The following TNRC6C variants were observed in gnomAD, a reference collection of about 807,000 sequenced individuals.
The protein encoded by TNRC6C is trinucleotide repeat containing adaptor 6C.
A neutral mutation model predicts 153.7 loss-of-function variants in TNRC6C; 20 were observed. That is an observed-to-expected ratio of 0.13 (90% CI 0.09 to 0.19). The LOEUF (loss-of-function observed/expected upper bound fraction) is 0.19, where lower values mean the gene tolerates loss of function less well. Ranked by LOEUF, TNRC6C falls within the 10% of genes least tolerant of loss-of-function variation. TNRC6C has a pLI of 1.00. For synonymous variants in TNRC6C, 811 were observed against 841.4 expected, an observed-to-expected ratio of 0.96 and a Z score of 0.63; for missense variants, 1,987 against 2,172.0, an observed-to-expected ratio of 0.91 and a Z score of 1.69.
intron 1 of TNRC6C, among the ~76,000 whole-genome samples, chr17:78,018,503 T>G (rs779998276): frequency 6.6e-6 from 1 of 152,104 alleles, no homozygotes; most frequent in Non-Finnish European, 1.5e-5. Context: ...AAATATTTTC[T>G]AAATAAGGAG....
chr17:78,061,607 C>T lies in TNRC6C; in HGVS notation c.2396-3115C>T, dbSNP rs143924462. ...GGAGGATCGCTTGAATCTAGGAGTT[C>T]GAGGCTGCAGCGCACTATGATCACA... is the stretch of plus-strand genomic sequence containing the variant. On this transcript the variant is annotated intron_variant, in intron 3 of 19. Coordinates refer to ENST00000301624, the Ensembl canonical transcript of TNRC6C. Among the ~76,000 whole-genome samples the T allele has an allele frequency of 3.2e-3, 483 of 152,224 alleles. 1 individual carries two copies. Among genetic ancestry groups the T allele is most frequent in the Non-Finnish European group, 4.9e-3 (334 of 68,018 alleles).
chr17:78,100,570 A>AC (rs1052270249), intron 17 of TNRC6C, among the ~76,000 whole-genome samples: 45 of 152,236 alleles, frequency 3.0e-4, no homozygotes, highest in Non-Finnish European at 5.9e-4. Context: ...CAGCATGTGG[A>AC]CCCTGGGCCT....
chr17:78,065,244 C>T (rs545426341), intron 4 of TNRC6C, among the ~76,000 whole-genome samples: 70 of 151,760 alleles, frequency 4.6e-4, no homozygotes, highest in African/African-American at 1.6e-3. Flanking sequence ...CCCAGCTATT[C>T]GGGAGGCTAT....
At chr17:77,972,271 G>A (rs2070945706) in intron 1 of TNRC6C, among the ~76,000 whole-genome samples, 1 of 152,124 alleles carries the variant, frequency 6.6e-6, no homozygotes, top group South Asian at 2.1e-4. Flanking sequence ...CCATCACTTT[G>A]GGAGGCCGAG....
At chr17:78,094,051 C>T (rs1199255898) in intron 16 of TNRC6C, among the ~76,000 whole-genome samples, 1 of 151,176 alleles carries the variant, frequency 6.6e-6, no homozygotes, top group Non-Finnish European at 1.5e-5. Flanking sequence ...ATGATCTCAG[C>T]TCTCTGCAAT....
intron 17 of TNRC6C, 143 bp downstream of exon 20, chr17:78,098,680 C>G (rs1053771340): frequency 8.2e-6 from 7 of 855,448 alleles, no homozygotes; most frequent in Non-Finnish European, 1.2e-5. Context: ...CAGGGCCACC[C>G]TAGATGTCCA....
At chr17:78,058,383 A>G (rs1399321125) in intron 3 of TNRC6C, among the ~76,000 whole-genome samples, 1 of 152,262 alleles carries the variant, frequency 6.6e-6, no homozygotes, top group African/African-American at 2.4e-5. Flanking sequence ...ACTTGCAGAC[A>G]CACAAGAGAA....
chr17:77,970,333 CCT>C (rs2070930859), intron 1 of TNRC6C, among the ~76,000 whole-genome samples: 1 of 152,148 alleles, frequency 6.6e-6, no homozygotes, highest in Non-Finnish European at 1.5e-5. Flanking sequence ...GCAGCCTCAG[CCT>C]CTCAGGCTCA....
intron 16 of TNRC6C, among the ~76,000 whole-genome samples, chr17:78,095,153 C>T (rs1403546965): frequency 1.3e-5 from 2 of 152,210 alleles, no homozygotes; most frequent in Non-Finnish European, 2.9e-5. Flanking sequence ...GCAGAGCTTC[C>T]CGAGTGGTGC....
chr17:78,029,848 C>A (rs992233141), intron 1 of TNRC6C, among the ~76,000 whole-genome samples: 2 of 150,954 alleles, frequency 1.3e-5, no homozygotes. Context: ...TAAGCCAAGG[C>A]CTACACGAGG....
chr17:78,024,444 G>A (rs1426492712), intron 1 of TNRC6C, among the ~76,000 whole-genome samples: 1 of 151,948 alleles, frequency 6.6e-6, no homozygotes, highest in Non-Finnish European at 1.5e-5. Context: ...TTGGCTCACT[G>A]CAAGCTTCGC....
intron 1 of TNRC6C, among the ~76,000 whole-genome samples, chr17:78,024,985 G>C (rs183081585): frequency 6.6e-6 from 1 of 151,600 alleles, no homozygotes; most frequent in Non-Finnish European, 1.5e-5. Flanking sequence ...ATAGAGACGG[G>C]GTTTCACCAT....
intron 1 of TNRC6C, among the ~76,000 whole-genome samples, chr17:77,994,149 T>C (rs1230512565): frequency 6.6e-6 from 1 of 152,018 alleles, no homozygotes; most frequent in Non-Finnish European, 1.5e-5. Context: ...ACCGAGATTG[T>C]GCCATTGCAC....
At chr17:78,093,837 G>C in intron 16 of TNRC6C, 74 bp downstream of exon 18, 1 of 1,578,064 alleles carries the variant, frequency 6.3e-7, no homozygotes, top group Non-Finnish European at 8.6e-7. Flanking sequence ...GGGGTGACAG[G>C]TTGGGCTGTG....
chr17:78,042,587 A>C (rs1310562847), intron 2 of TNRC6C, among the ~76,000 whole-genome samples: 1 of 151,264 alleles, frequency 6.6e-6, no homozygotes, highest in Non-Finnish European at 1.5e-5. Flanking sequence ...TTTTTAACGA[A>C]ATTTAACCTT....
At position 77,970,814 on chromosome 17, in the gene TNRC6C, G is replaced by T. The variant is rs147686465; in HGVS notation, c.-38+11546G>T. Among the ~76,000 whole-genome samples, 19 of 152,264 alleles carry T rather than the reference G, an allele frequency of 1.2e-4. No individual in the cohort carries two copies. The East Asian group carries it at 3.7e-3, about 29-fold the overall frequency. ...TAGATAAAAGCAGGTAATTGGCCTA[G>T]CCTGGGCGACACAGCAAGACCCTTG... On this transcript the variant is annotated intron_variant, in intron 1 of 22. Transcript: ENST00000636222.
intron 4 of TNRC6C, 74 bp from the exon 7 acceptor site, chr17:78,067,683 T>G (rs570614121): frequency 1.4e-6 from 2 of 1,449,478 alleles, no homozygotes; most frequent in East Asian, 2.5e-5. Context: ...GACCCCTAAA[T>G]TATATGTTAC....
upstream of TNRC6C, among the ~76,000 whole-genome samples, chr17:77,958,975 C>A (rs1259802465): frequency 6.9e-6 from 1 of 144,400 alleles, no homozygotes; most frequent in Admixed American, 6.8e-5. Flanking sequence ...CGCCTAGGAC[C>A]CGGACCCCGC....
intron 8 of TNRC6C, 129 bp from the exon 11 acceptor site, chr17:78,077,056 C>T: frequency 1.9e-6 from 2 of 1,051,934 alleles, no homozygotes; most frequent in Non-Finnish European, 1.3e-6. Flanking sequence ...TCTCCATTCC[C>T]TTATCCACAC....
Sources: gnomAD v4.1 joint callset for allele counts (sites outside exome capture counted in the v4.1 genomes callset) on GRCh38, gnomAD v4.1.1 for gene constraint, MANE v1.5 for transcripts, NCBI Gene and HGNC (gene_info 2026-07-23, HGNC 2026-07-21) for gene names.